The following KIRREL1 variants were observed in gnomAD, a reference collection of about 807,000 sequenced individuals.
KIRREL1 encodes kin of IRRE-like protein 1.
A neutral mutation model predicts 83.3 loss-of-function variants in KIRREL1; 25 were observed. That is an observed-to-expected ratio of 0.30 (90% CI 0.22 to 0.42). KIRREL1 has a LOEUF of 0.42. Among genes scored for constraint, KIRREL1 ranks in the 10% least tolerant of loss-of-function variants. The pLI is 1.00. For missense variants in KIRREL1, 812 were observed against 1,032.3 expected (o/e 0.79, Z 2.92); for synonymous variants, 388 against 410.4 (o/e 0.95, Z 0.66).
chr1:158,062,833 A>G (rs1661250592), intron 1 of KIRREL1, among the ~76,000 whole-genome samples: 1 of 152,238 alleles, frequency 6.6e-6, no homozygotes, highest in Non-Finnish European at 1.5e-5. Context: ...GATGTGCCAC[A>G]GCTTCCACTT....
At chr1:158,065,194 C>G (rs1661327104) in intron 1 of KIRREL1, among the ~76,000 whole-genome samples, 2 of 152,050 alleles carry the variant, frequency 1.3e-5, no homozygotes, top group Admixed American at 1.3e-4. Flanking sequence ...GAGACTGTTC[C>G]TAAAAGTGCC....
intron 11 of KIRREL1, among the ~76,000 whole-genome samples, chr1:158,092,784 G>T (rs975048516): frequency 3.9e-5 from 6 of 152,150 alleles, no homozygotes; most frequent in African/African-American, 1.4e-4. Flanking sequence ...ATTCAACTAG[G>T]GCTGCTAGGA....
rs1660182891 is a variant in KIRREL1 at position 158,026,726 on chromosome 1, T to C, written c.52+32998T>C. Among the ~76,000 whole-genome samples, 3 of 152,198 alleles carry C rather than the reference T, an allele frequency of 2.0e-5. No homozygotes were observed. The South Asian group carries it at 6.2e-4, about 31-fold the overall frequency. ...AACAGGAATCGGAGTCACAGAGAAG[T>C]AACTTGTCCAGTCTCACAGCTAAGA... is the stretch of plus-strand genomic sequence containing the variant. On this transcript the variant is annotated intron_variant, in intron 1 of 14. Transcript: ENST00000359209.
chr1:158,068,709 G>A (rs1462979680), intron 1 of KIRREL1, among the ~76,000 whole-genome samples: 1 of 152,116 alleles, frequency 6.6e-6, no homozygotes, highest in African/African-American at 2.4e-5. Flanking sequence ...GCCCAGCCTA[G>A]AGAATTGAAA....
intron 1 of KIRREL1, among the ~76,000 whole-genome samples, 156 bp downstream of exon 1, chr1:157,993,884 G>T (rs186030257): frequency 6.6e-6 from 1 of 152,144 alleles, no homozygotes; most frequent in Non-Finnish European, 1.5e-5. Context: ...GCAGAGCCCT[G>T]GGGGAGGGGG....
intron 1 of KIRREL1, among the ~76,000 whole-genome samples, chr1:158,020,961 T>G (rs1659990548): frequency 6.6e-6 from 1 of 152,212 alleles, no homozygotes; most frequent in Non-Finnish European, 1.5e-5. Flanking sequence ...CTGGATTTAT[T>G]GGGTGCCAGG....
chr1:158,089,665 G>A (rs567911220), intron 9 of KIRREL1, 37 bp downstream of exon 9: 55 of 1,613,438 alleles, frequency 3.4e-5, no homozygotes, highest in South Asian at 5.5e-5. Flanking sequence ...GGGCCTGGGC[G>A]GGCTGGTACT....
At chr1:158,001,521 G>T (rs1398993325) in intron 1 of KIRREL1, among the ~76,000 whole-genome samples, 1 of 152,218 alleles carries the variant, frequency 6.6e-6, no homozygotes. Context: ...GCAAGGTGTG[G>T]AGTCATTGGT....
chr1:158,001,427 A>G (rs1422033419), intron 1 of KIRREL1, among the ~76,000 whole-genome samples: 3 of 152,216 alleles, frequency 2.0e-5, no homozygotes. Flanking sequence ...ACTGGTAGGC[A>G]TTATGTGGAC....
chr1:158,002,658 A>C (rs1024852735), intron 1 of KIRREL1, among the ~76,000 whole-genome samples: 1 of 152,194 alleles, frequency 6.6e-6, no homozygotes, highest in Non-Finnish European at 1.5e-5. Flanking sequence ...GTATAAACAC[A>C]TATTGACAAT....
At position 158,097,961 on chromosome 1, in the gene KIRREL1, G is replaced by A. The variant is rs1363290262; in HGVS notation, c.*2841G>A. The A allele has an allele frequency of 6.6e-6, 1 of 152,104 alleles. No individual in the cohort carries two copies. The highest frequency in any genetic ancestry group is 2.4e-5 in the African/African-American group (1 of 41,410). 9.4% of individuals were successfully genotyped at this position (152,104 alleles called of 1,614,324 possible). ...GTTGCATAAACCTAAAACTATTCTG[G>A]TTTTGTTATACCCATAGGGTTGGGG... On this transcript the variant is annotated 3_prime_UTR_variant, in exon 15 of 15. Coordinates refer to ENST00000359209, the MANE Select transcript of KIRREL1 (RefSeq NM_018240.7).
At chr1:158,013,769 C>T (rs1439105089) in intron 1 of KIRREL1, among the ~76,000 whole-genome samples, 4 of 152,278 alleles carry the variant, frequency 2.6e-5, no homozygotes, top group South Asian at 2.1e-4. Context: ...GCTGTCTCCA[C>T]GGACCTCCCT....
chr1:158,055,228 C>T (rs962850845), intron 1 of KIRREL1, among the ~76,000 whole-genome samples: 4 of 152,004 alleles, frequency 2.6e-5, no homozygotes, highest in East Asian at 3.9e-4. Context: ...GAGATTAAAC[C>T]AAGGAAGGGG....
intron 1 of KIRREL1, among the ~76,000 whole-genome samples, chr1:158,017,108 C>G (rs571714927): frequency 1.3e-5 from 2 of 152,332 alleles, no homozygotes; most frequent in Admixed American, 1.3e-4. Flanking sequence ...CAAGTCCCTG[C>G]GAGCTCCCTT....
At chr1:158,010,554 G>T (rs974624754) in intron 1 of KIRREL1, among the ~76,000 whole-genome samples, 2 of 152,086 alleles carry the variant, frequency 1.3e-5, no homozygotes, top group Admixed American at 1.3e-4. Flanking sequence ...GTTTCTCCCC[G>T]AAGAAACATG....
intron 1 of KIRREL1, among the ~76,000 whole-genome samples, chr1:158,047,178 A>G (rs1660799921): frequency 6.6e-6 from 1 of 152,234 alleles, no homozygotes; most frequent in Non-Finnish European, 1.5e-5. Context: ...CAGCCTAAAT[A>G]AGAATTTTGT....
intron 1 of KIRREL1, among the ~76,000 whole-genome samples, chr1:158,026,703 C>T (rs1043180623): frequency 6.6e-6 from 1 of 152,158 alleles, no homozygotes; most frequent in Non-Finnish European, 1.5e-5. Flanking sequence ...TTTTACAGAA[C>T]AGGAATCGGA....
intron 11 of KIRREL1, among the ~76,000 whole-genome samples, chr1:158,092,345 C>CTTT (rs11430850): frequency 0.013 from 1,395 of 110,838 alleles, 83 homozygotes; most frequent in African/African-American, 0.042. Flanking sequence ...TCACTTCAGT[C>CTTT]TTTTTTTTTT....
intron 1 of KIRREL1, among the ~76,000 whole-genome samples, chr1:158,017,592 T>TGAGGCAGGAGAATCGCTTG (rs1453683037): frequency 1.3e-5 from 2 of 152,016 alleles, no homozygotes; most frequent in African/African-American, 2.4e-5. Flanking sequence ...CTTGGGAGGC[T>TGAGGCAGGAGAATCGCTTG]GAGGCAGGAG....
Sources: gnomAD v4.1 joint callset for allele counts (sites outside exome capture counted in the v4.1 genomes callset) on GRCh38, gnomAD v4.1.1 for gene constraint, MANE v1.5 for transcripts, NCBI Gene and HGNC (gene_info 2026-07-23, HGNC 2026-07-21) for gene names.